Variants in PANK1 observed in about 807,000 individuals in gnomAD.
PANK1 encodes pantothenate kinase 1.
A neutral mutation model predicts 40.1 loss-of-function variants in PANK1; 18 were observed. That is an observed-to-expected ratio of 0.45 (90% CI 0.31 to 0.67). The LOEUF is 0.67. Among genes scored for constraint, PANK1 ranks in the 30% least tolerant of loss-of-function variants. The pLI, the probability that PANK1 is intolerant of heterozygous loss-of-function variation, is 0.06. For missense variants in PANK1, 457 were observed against 599.6 expected (o/e 0.76, Z 2.48); for synonymous variants, 242 against 237.7 (o/e 1.02, Z -0.17).
intron 3 of PANK1, among the ~76,000 whole-genome samples, chr10:89,597,929 A>C (rs1265347097): frequency 6.6e-6 from 1 of 152,240 alleles, no homozygotes; most frequent in Non-Finnish European, 1.5e-5. Flanking sequence ...GAGAAAATGT[A>C]TACTTGGTAG....
At chr10:89,595,765 C>T (rs140176115) in intron 3 of PANK1, among the ~76,000 whole-genome samples, 5,345 of 136,102 alleles carry the variant, frequency 0.039, 173 homozygotes, top group South Asian at 0.12. Context: ...TGTAGTGAGC[C>T]GAGATTGCAC....
chr10:89,601,240 CGAGGTGAGAG>C (rs2133945442), intron 2 of PANK1, among the ~76,000 whole-genome samples: 1 of 148,502 alleles, frequency 6.7e-6, no homozygotes, highest in African/African-American at 2.5e-5. Flanking sequence ...TTTGGGGCGC[CGAGGTGAGAG>C]GATCACTTGA....
chr10:89,590,053 G>T (rs1350289930), intron 5 of PANK1, among the ~76,000 whole-genome samples: 2 of 145,304 alleles, frequency 1.4e-5, no homozygotes, highest in Non-Finnish European at 3.0e-5. Context: ...AAAAAAGAAA[G>T]AAAGAAAAGA....
At chr10:89,623,203 T>C (rs1019823684) in intron 1 of PANK1, among the ~76,000 whole-genome samples, 1 of 152,098 alleles carries the variant, frequency 6.6e-6, no homozygotes, top group Non-Finnish European at 1.5e-5. Flanking sequence ...TTTCTGACAC[T>C]TTTCTTATTT....
At chr10:89,580,173 T>C (rs369674591), downstream of PANK1, 10 of 152,334 alleles carry the variant, frequency 6.6e-5, no homozygotes, top group East Asian at 1.7e-3. Context: ...ATAATTTTTA[T>C]AGCCATCCTA....
At chr10:89,607,078 T>C (rs1376475030) in intron 2 of PANK1, among the ~76,000 whole-genome samples, 1 of 152,360 alleles carries the variant, frequency 6.6e-6, no homozygotes, top group African/African-American at 2.4e-5. Flanking sequence ...GCTAACCATA[T>C]GGCACAAGAG....
chr10:89,644,076 T>TG (rs904760279), intron 1 of PANK1: 1 of 246,644 alleles, frequency 4.1e-6, no homozygotes, highest in African/African-American at 2.2e-5. Flanking sequence ...GCTGTGATTT[T>TG]GGGGGGTAGT....
chr10:89,620,928 G>A (rs150798670), intron 1 of PANK1, among the ~76,000 whole-genome samples: 122 of 152,212 alleles, frequency 8.0e-4, no homozygotes, highest in African/African-American at 2.6e-3. Context: ...TGGTTTCCCC[G>A]ATACACTTCA....
chr10:89,626,097 T>A (rs1489900145), intron 1 of PANK1: 1 of 152,024 alleles, frequency 6.6e-6, no homozygotes, highest in Non-Finnish European at 1.5e-5. Flanking sequence ...GCTTCAGGGG[T>A]TAAGGAGAGG....
chr10:89,643,085 G>T (rs1842013043), intron 1 of PANK1, among the ~76,000 whole-genome samples: 1 of 152,168 alleles, frequency 6.6e-6, no homozygotes, highest in Non-Finnish European at 1.5e-5. Context: ...TTCCTCAGAA[G>T]TTATTTCAAG....
chr10:89,599,456 T>C lies in PANK1; in HGVS notation c.695A>G (p.Gln232Arg). Residue 232 changes from glutamine to arginine, a missense_variant, in exon 3 of 7, where the codon CAG (glutamine) becomes CGG (arginine). Around this residue, in one of 4 missense-constraint regions of PANK1, gnomAD observed 286 missense variants for 415.8 expected, o/e 0.69. Transcript: ENST00000307534. ...AACAGAGTCGACATAAAGCAGGCCC[T>C]GAATCAGACAGTCCAGTTCATCCAG... is the stretch of plus-strand genomic sequence containing the variant. ...HKLDELDCLI[Q>R]GLLYVDSVGF... is the part of the protein sequence containing the mutation. The C allele has an allele frequency of 6.2e-7, 1 of 1,613,776 alleles. No homozygotes were observed. Among genetic ancestry groups the C allele is most frequent in the Non-Finnish European group, 8.5e-7 (1 of 1,179,654 alleles).
intron 1 of PANK1, among the ~76,000 whole-genome samples, chr10:89,622,375 TACA>T (rs1845512551): frequency 6.6e-6 from 1 of 152,194 alleles, no homozygotes; most frequent in Non-Finnish European, 1.5e-5. Context: ...TTGGCAAGGG[TACA>T]AGCTCATATG....
intron 1 of PANK1, among the ~76,000 whole-genome samples, chr10:89,623,084 T>G (rs908475687): frequency 6.6e-6 from 1 of 152,180 alleles, no homozygotes; most frequent in Admixed American, 6.5e-5. Flanking sequence ...TAATTTTGTC[T>G]AAAAATTAAA....
intron 5 of PANK1, among the ~76,000 whole-genome samples, chr10:89,591,885 C>T (rs997167303): frequency 3.9e-5 from 6 of 152,040 alleles, no homozygotes; most frequent in Admixed American, 2.6e-4. Flanking sequence ...GCAAAAAGCA[C>T]AAGAAGCCAG....
intron 1 of PANK1, among the ~76,000 whole-genome samples, chr10:89,627,100 T>C (rs1275195197): frequency 6.6e-6 from 1 of 152,154 alleles, no homozygotes; most frequent in Non-Finnish European, 1.5e-5. Context: ...AGGAAAGGTA[T>C]GCCAACTGCT....
chr10:89,634,728 C>T (rs960947216), intron 1 of PANK1, among the ~76,000 whole-genome samples: 9 of 152,154 alleles, frequency 5.9e-5, no homozygotes, highest in African/African-American at 2.2e-4. Flanking sequence ...CAGTTAAGAT[C>T]AAAAGAGGAC....
At chr10:89,608,320 C>T (rs1845040623) in intron 2 of PANK1, among the ~76,000 whole-genome samples, 1 of 151,788 alleles carries the variant, frequency 6.6e-6, no homozygotes, top group African/African-American at 2.4e-5. Flanking sequence ...CGTGAGCCAC[C>T]GCGTCTGGCC....
At chr10:89,620,218 G>GGATAACAGCGATTTTCAGGGAACAAGGGA (rs1419282186) in intron 1 of PANK1, among the ~76,000 whole-genome samples, 60 of 152,180 alleles carry the variant, frequency 3.9e-4, no homozygotes, top group African/African-American at 1.4e-3. Flanking sequence ...AAAAGGAACA[G>GGATAACAGCGATTTTCAGGGAACAAGGGA]GATAACAGCG....
chr10:89,616,070 A>G (rs1845305746), intron 1 of PANK1, among the ~76,000 whole-genome samples: 1 of 152,212 alleles, frequency 6.6e-6, no homozygotes, highest in Admixed American at 6.5e-5. Flanking sequence ...TCCTCCTTAA[A>G]CCAGATGTCA....
Sources: gnomAD v4.1 joint callset for allele counts (sites outside exome capture counted in the v4.1 genomes callset) on GRCh38, gnomAD v4.1.1 for gene constraint, gnomAD v4.1.1 regional missense constraint, MANE v1.5 for transcripts, NCBI Gene and HGNC (gene_info 2026-07-23, HGNC 2026-07-21) for gene names.